KCNMA1: variants seen among roughly 807,000 people sequenced by gnomAD.
The protein encoded by KCNMA1 is potassium calcium-activated channel subfamily M alpha 1, also known as Calcium-activated potassium channel subunit alpha-1.
KCNMA1 carries 29 observed loss-of-function variants against 140.0 expected under a neutral mutation model. The observed-to-expected ratio is 0.21, with a 90% CI of 0.15 to 0.28. The LOEUF (loss-of-function observed/expected upper bound fraction) is 0.28, where lower values mean the gene tolerates loss of function less well. Ranked by LOEUF, KCNMA1 falls within the 10% of genes least tolerant of loss-of-function variation. The probability of loss-of-function intolerance (pLI) is 1.00; values close to 1 mark genes in which losing one functional copy is unlikely to be tolerated. For synonymous variants in KCNMA1, 612 were observed against 611.9 expected (o/e 1.00, Z 0.00); for missense variants, 880 against 1,602.2 (o/e 0.55, Z 7.70).
chr10:77,606,148 T>A (rs1408949824), intron 1 of KCNMA1, among the ~76,000 whole-genome samples: 1 of 152,156 alleles, frequency 6.6e-6, no homozygotes, highest in African/African-American at 2.4e-5. Context: ...TGCATCAGCC[T>A]CTCTCTAGGT....
chr10:77,007,433 T>C (rs2089215956), intron 18 of KCNMA1, among the ~76,000 whole-genome samples: 2 of 151,954 alleles, frequency 1.3e-5, no homozygotes, highest in South Asian at 4.2e-4. Flanking sequence ...TAATTACCAC[T>C]GTGCAAATAC....
At chr10:77,390,611 G>T (rs967872099) in intron 2 of KCNMA1, among the ~76,000 whole-genome samples, 1 of 152,234 alleles carries the variant, frequency 6.6e-6, no homozygotes, top group African/African-American at 2.4e-5. Flanking sequence ...ACACCAGGCA[G>T]AGGCTCTATC....
chr10:76,946,500 A>T (rs536237310), intron 22 of KCNMA1, among the ~76,000 whole-genome samples: 2 of 152,278 alleles, frequency 1.3e-5, no homozygotes, highest in East Asian at 3.9e-4. Flanking sequence ...TTTATGAGTC[A>T]CTGGTAGTCA....
At chr10:77,145,920 G>C (rs1030984660) in intron 5 of KCNMA1, among the ~76,000 whole-genome samples, 2 of 152,148 alleles carry the variant, frequency 1.3e-5, no homozygotes, top group African/African-American at 4.8e-5. Flanking sequence ...TATAAAATGG[G>C]AACAGTAATA....
At chr10:76,920,020 G>GTATATATATATATATATATATATATATA (rs1169838049) in intron 23 of KCNMA1, among the ~76,000 whole-genome samples, 5 of 34,430 alleles carry the variant, frequency 1.5e-4, no homozygotes, top group East Asian at 1.3e-3. Context: ...GTGTGTGTGT[G>GTATATATATATATATATATATATATATA]TATATATATA....
chr10:77,367,775 G>T (rs1400027115), intron 2 of KCNMA1, among the ~76,000 whole-genome samples: 1 of 152,136 alleles, frequency 6.6e-6, no homozygotes, highest in South Asian at 2.1e-4. Flanking sequence ...ACCTATCCAA[G>T]GAAGTAACAT....
chr10:77,180,682 C>T (rs1046680558), intron 5 of KCNMA1, among the ~76,000 whole-genome samples: 2 of 152,178 alleles, frequency 1.3e-5, no homozygotes, highest in South Asian at 2.1e-4. Flanking sequence ...TATTTCTTCA[C>T]TGTTGTTTCC....
chr10:77,266,923 C>A (rs912230384), intron 2 of KCNMA1, among the ~76,000 whole-genome samples: 2 of 152,118 alleles, frequency 1.3e-5, no homozygotes, highest in South Asian at 2.1e-4. Context: ...AGCAGAGGAC[C>A]AAAGAGCCAC....
intron 20 of KCNMA1, among the ~76,000 whole-genome samples, chr10:76,960,895 G>C (rs1007664286): frequency 6.6e-6 from 1 of 151,872 alleles, no homozygotes; most frequent in African/African-American, 2.4e-5. Flanking sequence ...CAGAGAAAAA[G>C]ATTTCTTTCA....
At chr10:77,636,730 C>T in intron 1 of KCNMA1, 10 of 1,498,508 alleles carry the variant, frequency 6.7e-6, no homozygotes, top group Non-Finnish European at 8.0e-6. Context: ...CCCCGGGATT[C>T]CCTTGTGCAA....
chr10:77,229,983 TG>T (rs1174653255), intron 3 of KCNMA1, among the ~76,000 whole-genome samples: 1 of 152,168 alleles, frequency 6.6e-6, no homozygotes, highest in African/African-American at 2.4e-5. Flanking sequence ...AACAGATACT[TG>T]TGCACAACTG....
At position 77,066,273 on chromosome 10, in the gene KCNMA1, G is replaced by A. The variant is rs145552887; in HGVS notation, c.1749+6824C>T. Among the ~76,000 whole-genome samples the A allele has an allele frequency of 6.2e-3, 947 of 152,286 alleles. 10 individuals are homozygous for A. The highest frequency in any genetic ancestry group is 0.021 in the African/African-American group (889 of 41,542). On this transcript the variant is annotated intron_variant, in intron 14 of 27. Coordinates refer to ENST00000286628, the MANE Select transcript of KCNMA1 (RefSeq NM_001161352.2). The stretch of plus-strand genomic sequence containing the variant: ...GTGGTTTGGAGCTAGTAGTAGGAGT[G>A]CAGGTGGTGAGAAGTGCTCCGATTC...
chr10:76,911,105 C>T (rs2152383596), intron 24 of KCNMA1: 1 of 152,132 alleles, frequency 6.6e-6, no homozygotes, highest in Admixed American at 6.5e-5. Context: ...GATGAGGTTT[C>T]CTTTCCCTGA....
intron 19 of KCNMA1, among the ~76,000 whole-genome samples, chr10:77,000,845 T>G (rs1438566749): frequency 2.0e-5 from 1 of 48,824 alleles, no homozygotes; most frequent in African/African-American, 8.4e-5. Context: ...TAGAGAGACA[T>G]AGTAAAAAGA....
chr10:76,925,556 T>C (rs751319636), intron 23 of KCNMA1, among the ~76,000 whole-genome samples: 14 of 152,196 alleles, frequency 9.2e-5, no homozygotes, highest in Non-Finnish European at 5.9e-5. Flanking sequence ...TTCTCCCCTT[T>C]TGCAAGCATT....
chr10:77,270,526 CT>C (rs1202949761), intron 2 of KCNMA1, among the ~76,000 whole-genome samples: 2 of 150,500 alleles, frequency 1.3e-5, no homozygotes, highest in African/African-American at 4.9e-5. Flanking sequence ...CTCTCTCTCT[CT>C]TTCTTTTTTT....
At chr10:76,905,497 A>G (rs1222373146) in intron 25 of KCNMA1, among the ~76,000 whole-genome samples, 1 of 152,238 alleles carries the variant, frequency 6.6e-6, no homozygotes, top group East Asian at 1.9e-4. Context: ...CAGTGTGGCC[A>G]GCGGCCTTGC....
intron 2 of KCNMA1, among the ~76,000 whole-genome samples, chr10:77,295,255 G>A (rs1444003747): frequency 6.6e-6 from 1 of 151,774 alleles, no homozygotes; most frequent in Admixed American, 6.6e-5. Flanking sequence ...GCTGAAGCAG[G>A]AGAATCACTT....
intron 2 of KCNMA1, among the ~76,000 whole-genome samples, chr10:77,254,532 CT>C (rs1245457800): frequency 6.6e-6 from 1 of 152,048 alleles, no homozygotes; most frequent in Non-Finnish European, 1.5e-5. Flanking sequence ...AAAATATACT[CT>C]TTTTTATAGA....
Sources: gnomAD v4.1 joint callset for allele counts (sites outside exome capture counted in the v4.1 genomes callset) on GRCh38, gnomAD v4.1.1 for gene constraint, MANE v1.5 for transcripts, NCBI Gene and HGNC (gene_info 2026-07-23, HGNC 2026-07-21) for gene names.